TRMT9B: variants seen among roughly 807,000 people sequenced by gnomAD.
The protein encoded by TRMT9B is probable tRNA methyltransferase 9B.
In TRMT9B, 16 loss-of-function variants were observed where a neutral mutation model predicts 11.5. That is an observed-to-expected ratio of 1.39 (90% CI 0.94 to 2.11). TRMT9B has a LOEUF of 2.11. Ranked by LOEUF, TRMT9B falls within the 30% of genes most tolerant of loss-of-function variation. TRMT9B has a pLI of 0.00. For missense variants in TRMT9B, 941 were observed against 553.8 expected, an observed-to-expected ratio of 1.70 and a Z score of -7.02; for synonymous variants, 274 against 192.4, an observed-to-expected ratio of 1.42 and a Z score of -3.51.
intron 1 of TRMT9B, among the ~76,000 whole-genome samples, chr8:12,974,298 A>C (rs899098970): frequency 2.0e-5 from 3 of 151,918 alleles, no homozygotes; most frequent in African/African-American, 7.3e-5. Context: ...AGAAGAAACC[A>C]CCTTTCCCAC....
At chr8:13,007,507 T>A (rs1368500247) in intron 3 of TRMT9B, 2 of 152,184 alleles carry the variant, frequency 1.3e-5, no homozygotes, top group East Asian at 3.8e-4. Context: ...TCTTTCTAAA[T>A]ACTGGTAAGA....
intron 1 of TRMT9B, among the ~76,000 whole-genome samples, chr8:12,968,675 G>A (rs1348273524): frequency 6.6e-6 from 1 of 152,152 alleles, no homozygotes; most frequent in Non-Finnish European, 1.5e-5. Context: ...GGGAGGGACA[G>A]CCTGAGCAGC....
chr8:12,978,849 G>T (rs1435959873), intron 1 of TRMT9B, among the ~76,000 whole-genome samples: 3 of 152,216 alleles, frequency 2.0e-5, no homozygotes, highest in African/African-American at 7.2e-5. Flanking sequence ...GCTCACCCAT[G>T]TTAATAAACT....
intron 1 of TRMT9B, among the ~76,000 whole-genome samples, chr8:12,990,197 C>T (rs765298038): frequency 1.3e-5 from 2 of 152,092 alleles, no homozygotes; most frequent in African/African-American, 2.4e-5. Flanking sequence ...GTCCATTCAC[C>T]CCACTTGCAG....
rs549385895 is a variant in TRMT9B at position 12,991,615 on chromosome 8, C to T, written c.-2+584C>T. ...TTCTTTTTAGTTATGAAAAAGTGACCATCGTATGCCTAGATTGTACCTATA... is the reference window on the plus strand; with the variant it reads ...TTCTTTTTAGTTATGAAAAAGTGACTATCGTATGCCTAGATTGTACCTATA... On this transcript the variant is annotated intron_variant, in intron 2 of 4. Coordinates refer to ENST00000524591, the MANE Select transcript of TRMT9B (RefSeq NM_020844.3). Among the ~76,000 whole-genome samples, 17 of 152,138 alleles carry T rather than the reference C, an allele frequency of 1.1e-4. No homozygotes were observed. The South Asian group carries it at 3.5e-3, about 32-fold the overall frequency.
rs367797564 is a variant in TRMT9B, at chr8:13,018,537, C to A, written c.329-2471C>A. Among the ~76,000 whole-genome samples, 175 of 152,022 alleles carry A rather than the reference C, an allele frequency of 1.2e-3. 1 individual carries two copies. The highest frequency in any genetic ancestry group is 4.1e-3 in the African/African-American group (168 of 41,466). ...AAAGGTTTTTTTGTCTTATACCACCCCCCAAAAAATAGTCAATTATCATTA... is the reference window on the plus strand; with the variant it reads ...AAAGGTTTTTTTGTCTTATACCACCACCCAAAAAATAGTCAATTATCATTA... On this transcript the variant is annotated intron_variant, in intron 4 of 4. Transcript: ENST00000524591.
intron 1 of TRMT9B, among the ~76,000 whole-genome samples, chr8:12,953,053 A>G (rs1033100587): frequency 1.3e-5 from 2 of 152,014 alleles, no homozygotes; most frequent in African/African-American, 4.8e-5. Context: ...TTTTTATAGT[A>G]CTTGGGTTCT....
rs532800121 is a variant in TRMT9B at position 12,984,291 on chromosome 8, C to T, written c.-199-6543C>T. On this transcript the variant is annotated intron_variant, in intron 1 of 4. Coordinates refer to ENST00000524591, the MANE Select transcript of TRMT9B (RefSeq NM_020844.3). ...CCAAAATACGAAACACTTCTGGTCC[C>T]AAGCACTTTGGTTAAGGGATACTCA... is the stretch of plus-strand genomic sequence containing the variant. Among the ~76,000 whole-genome samples the T allele has an allele frequency of 5.9e-5, 9 of 152,306 alleles. No homozygotes were observed. In the South Asian group the frequency reaches 1.7e-3, roughly 28 times the overall value.
intron 1 of TRMT9B, among the ~76,000 whole-genome samples, chr8:12,972,715 A>G (rs1310951686): frequency 6.6e-6 from 1 of 152,202 alleles, no homozygotes; most frequent in East Asian, 1.9e-4. Context: ...GATAACAGGC[A>G]TGGTCCCAAA....
At chr8:13,003,777 C>G (rs1809898233) in intron 2 of TRMT9B, among the ~76,000 whole-genome samples, 1 of 150,846 alleles carries the variant, frequency 6.6e-6, no homozygotes, top group Non-Finnish European at 1.5e-5. Context: ...TGTCCCCACT[C>G]CGCCACCCTC....
intron 1 of TRMT9B, among the ~76,000 whole-genome samples, chr8:12,948,137 A>G (rs950686859): frequency 1.3e-5 from 2 of 152,190 alleles, no homozygotes; most frequent in African/African-American, 2.4e-5. Flanking sequence ...CACCTAACCT[A>G]CTGAACATGA....
intron 1 of TRMT9B, among the ~76,000 whole-genome samples, chr8:12,950,666 C>T (rs1410754138): frequency 1.3e-5 from 2 of 152,144 alleles, no homozygotes; most frequent in Admixed American, 1.3e-4. Flanking sequence ...CTCCACCCCA[C>T]CCAATATACT....
chr8:13,023,675 T>G lies in TRMT9B; in HGVS notation c.*1631T>G, dbSNP rs1814294729. The G allele has an allele frequency of 6.0e-6, 1 of 167,102 alleles. No homozygotes were observed. The allele number at this position is 167,102 out of a possible 1,614,324, so 10.4% of individuals were successfully genotyped here. On this transcript the variant is annotated 3_prime_UTR_variant, in exon 5 of 5. Transcript: ENST00000524591. ...GACATCTGACAAGAGTCTTTTTACT[T>G]TATGCTGGATGAAAATCCAAATCTT...
At chr8:12,977,601 T>C (rs906973003) in intron 1 of TRMT9B, among the ~76,000 whole-genome samples, 1 of 152,116 alleles carries the variant, frequency 6.6e-6, no homozygotes, top group Admixed American at 6.5e-5. Flanking sequence ...CTTGGGAGGC[T>C]GAGGCAGGAG....
intron 1 of TRMT9B, among the ~76,000 whole-genome samples, chr8:12,975,710 T>C (rs556872899): frequency 5.9e-5 from 9 of 151,818 alleles, no homozygotes; most frequent in African/African-American, 2.2e-4. Context: ...TGCACTCCAG[T>C]GTGGGCGACA....
chr8:12,947,509 C>G (rs1457258493), intron 1 of TRMT9B, among the ~76,000 whole-genome samples: 1 of 152,188 alleles, frequency 6.6e-6, no homozygotes, highest in African/African-American at 2.4e-5. Context: ...AGACCACGTC[C>G]TTGAATAAAA....
chr8:12,980,400 C>CA lies in TRMT9B; in HGVS notation c.-199-10434_-199-10433insA, dbSNP rs562389391. On this transcript the variant is annotated intron_variant, in intron 1 of 4. Transcript: ENST00000524591. ...TGAAATCTTTAATTACATCTATAAACCCTTTTTTCCAAATAAGGTCATATT... is the reference window on the plus strand; with the variant it reads ...TGAAATCTTTAATTACATCTATAAACACCTTTTTTCCAAATAAGGTCATATT... Among the ~76,000 whole-genome samples, 12 of 136,750 alleles carry CA rather than the reference C, an allele frequency of 8.8e-5. No homozygotes were observed. The Admixed American group carries it at 1.0e-3, about 12-fold the overall frequency. 89.7% of individuals were successfully genotyped at this position (136,750 alleles called of 152,430 possible).
intron 1 of TRMT9B, among the ~76,000 whole-genome samples, chr8:12,986,916 G>C (rs1295681510): frequency 1.3e-5 from 2 of 152,062 alleles, no homozygotes; most frequent in Non-Finnish European, 2.9e-5. Flanking sequence ...CATCCATGAA[G>C]TGCCAGTCTA....
chr8:13,010,024 G>C (rs1313571350), intron 3 of TRMT9B, among the ~76,000 whole-genome samples: 2 of 152,002 alleles, frequency 1.3e-5, no homozygotes, highest in East Asian at 3.9e-4. Flanking sequence ...TGTAGTCTCA[G>C]CTACTTGGGA....
Sources: gnomAD v4.1 joint callset for allele counts (sites outside exome capture counted in the v4.1 genomes callset) on GRCh38, gnomAD v4.1.1 for gene constraint, MANE v1.5 for transcripts, NCBI Gene and HGNC (gene_info 2026-07-23, HGNC 2026-07-21) for gene names.